Variants in TPO observed in about 807,000 individuals in gnomAD.
TPO encodes the protein thyroid peroxidase.
In TPO, 78 loss-of-function variants were observed where a neutral mutation model predicts 96.9. The observed-to-expected ratio is 0.81, with a 90% CI of 0.67 to 0.97. TPO has a LOEUF of 0.97. TPO is among the 50% of genes least tolerant of loss of function. TPO has a pLI of 0.00. For missense variants in TPO, 1,252 were observed against 1,274.8 expected (o/e 0.98, Z 0.27); for synonymous variants, 547 against 538.0 (o/e 1.02, Z -0.23).
At chr2:1,383,959 G>C (rs546994383) in intron 1 of TPO, among the ~76,000 whole-genome samples, 1 of 152,096 alleles carries the variant, frequency 6.6e-6, no homozygotes, top group East Asian at 1.9e-4. Context: ...TCCCAGCACC[G>C]TTTGTTAAAT....
rs938548462 is a variant in TPO at position 1,453,893 on chromosome 2, T to C, written c.612+70T>C. 56 of 1,606,524 alleles carry C rather than the reference T, an allele frequency of 3.5e-5. 1 individual carries two copies. In the East Asian group the frequency reaches 1.2e-3, roughly 34 times the overall value. ...GTGATGCTGAGGGAGGGAAATAGCC[T>C]TTTACTGGGTTCTTGCTCGTGCTGG... On this transcript the variant is annotated intron_variant, in intron 6 of 16. Coordinates refer to ENST00000329066, the MANE Select transcript of TPO (RefSeq NM_001206744.2).
intron 15 of TPO, among the ~76,000 whole-genome samples, chr2:1,523,653 G>C (rs1675717489): frequency 2.8e-5 from 2 of 71,742 alleles, no homozygotes; most frequent in Non-Finnish European, 5.2e-5. Flanking sequence ...ACCCCCCACT[G>C]TGTTCAACCT....
intron 7 of TPO, among the ~76,000 whole-genome samples, chr2:1,476,593 T>A (rs1056672590): frequency 6.6e-6 from 1 of 152,178 alleles, no homozygotes; most frequent in Non-Finnish European, 1.5e-5. Context: ...AGAAGTCAGC[T>A]CTTCCGAAAG....
intron 9 of TPO, among the ~76,000 whole-genome samples, chr2:1,485,239 G>GT (rs949472349): frequency 2.0e-5 from 3 of 152,040 alleles, no homozygotes; most frequent in Admixed American, 6.6e-5. Context: ...TGAACTCATC[G>GT]TTTTTTTATG....
At chr2:1,482,797 C>T (rs1461112671) in intron 8 of TPO, among the ~76,000 whole-genome samples, 1 of 152,160 alleles carries the variant, frequency 6.6e-6, no homozygotes, top group Non-Finnish European at 1.5e-5. Context: ...CCTCAGCCAC[C>T]CAAGTAGCTG....
rs546528463 is a variant in TPO, at chr2:1,438,631, G to T, written c.482+2247G>T. ...CCACGTCAGGGGGATGATGAATTCA[G>T]CCATGTGCAACATCGTGGGCATCCT... is the stretch of plus-strand genomic sequence containing the variant. On this transcript the variant is annotated intron_variant, in intron 5 of 16. Transcript: ENST00000329066. Among the ~76,000 whole-genome samples the T allele has an allele frequency of 2.3e-3, 309 of 132,538 alleles. 1 individual carries two copies. Among genetic ancestry groups the T allele is most frequent in the African/African-American group, 8.2e-3 (289 of 35,228 alleles). 87.0% of individuals were successfully genotyped at this position (132,538 alleles called of 152,430 possible).
chr2:1,399,874 A>G (rs942827063), intron 1 of TPO, among the ~76,000 whole-genome samples: 5 of 152,240 alleles, frequency 3.3e-5, no homozygotes, highest in Admixed American at 2.0e-4. Context: ...GAAAATCCTT[A>G]CATGGAAATC....
In TPO at chr2:1,542,778, TCTCCACCTTCTGG is replaced by T. The variant is rs1680902279; in HGVS notation, c.*306_*318del. On this transcript the variant is annotated 3_prime_UTR_variant, in exon 17 of 17. Coordinates refer to ENST00000329066, the MANE Select transcript of TPO (RefSeq NM_001206744.2). The stretch of plus-strand genomic sequence containing the variant: ...AAACACCACTCTTGCAATCCTCCTG[TCTCCACCTTCTGG>T]CATCTCTGATGCCGTGCTCGTCTGC... The T allele has an allele frequency of 1.5e-5, 10 of 667,710 alleles. No homozygotes were observed. Among genetic ancestry groups the T allele is most frequent in the East Asian group, 3.6e-5 (1 of 28,016 alleles). 41.4% of individuals were successfully genotyped at this position (667,710 alleles called of 1,614,324 possible). A position where few individuals can be genotyped will look rare whatever the true frequency, so the allele number is the denominator to read the frequency against.
chr2:1,511,937 G>A (rs1674175612), intron 14 of TPO, among the ~76,000 whole-genome samples: 1 of 152,234 alleles, frequency 6.6e-6, no homozygotes, highest in African/African-American at 2.4e-5. Flanking sequence ...TACAACAGGA[G>A]CATGAGTTGC....
At chr2:1,420,875 G>A (rs183726099) in intron 2 of TPO, among the ~76,000 whole-genome samples, 2 of 152,250 alleles carry the variant, frequency 1.3e-5, no homozygotes, top group South Asian at 2.1e-4. Context: ...CACACCACAT[G>A]GTGAGTGAAA....
At chr2:1,537,225 AAAT>A (rs1679945482) in intron 15 of TPO, among the ~76,000 whole-genome samples, 1 of 39,450 alleles carries the variant, frequency 2.5e-5, no homozygotes, top group African/African-American at 1.2e-4. Context: ...CCACCTCCCC[AAAT>A]CCCCCAACTG....
intron 7 of TPO, among the ~76,000 whole-genome samples, chr2:1,469,641 T>C (rs1260235752): frequency 1.3e-5 from 2 of 152,142 alleles, no homozygotes; most frequent in Non-Finnish European, 2.9e-5. Context: ...ACAGGGCTTT[T>C]CTGGCTGCTT....
At chr2:1,503,765 GCTC>G in intron 13 of TPO, 180 bp from the exon 14 acceptor site, 8 of 1,115,048 alleles carry the variant, frequency 7.2e-6, no homozygotes, top group Middle Eastern at 2.1e-4. Context: ...ACATCTGTCT[GCTC>G]CTCATCACCT....
chr2:1,415,749 G>A (rs1662891346), intron 2 of TPO, among the ~76,000 whole-genome samples: 1 of 152,218 alleles, frequency 6.6e-6, no homozygotes, highest in African/African-American at 2.4e-5. Context: ...CCTTTCCCAG[G>A]ACTGGAGGCC....
intron 5 of TPO, among the ~76,000 whole-genome samples, chr2:1,439,706 C>T (rs573795118): frequency 3.3e-5 from 5 of 152,250 alleles, no homozygotes; most frequent in African/African-American, 4.8e-5. Context: ...GAGACTCCCC[C>T]TCTCCCCCTC....
rs186620709 is a variant in TPO at position 1,540,663 on chromosome 2, C to T, written c.2688C>T (p.Cys896=). 6.2e-7 allele frequency: 1 copy of T among 1,613,488 alleles called. No individual in the cohort carries two copies. Among genetic ancestry groups the T allele is most frequent in the Admixed American group, 1.7e-5 (1 of 60,030 alleles). Residue 896 remains cysteine (C), a synonymous_variant, in exon 16 of 17, where the codon TGC becomes TGT. Transcript: ENST00000329066. ...GCGGAGGAACTCCCGAGCTGAGATG[C>T]GGAAAGCACCAGGCCGTAGGGACCT... ...ETGGGTPELR[C]GKHQAVGTSP...
intron 1 of TPO, among the ~76,000 whole-genome samples, chr2:1,385,911 G>A: frequency 6.6e-6 from 1 of 152,012 alleles, no homozygotes; most frequent in Non-Finnish European, 1.5e-5. Flanking sequence ...CTGGTATGTT[G>A]TGTCTTTGTT....
chr2:1,443,904 A>C (rs377549545), intron 5 of TPO, among the ~76,000 whole-genome samples: 1 of 117,518 alleles, frequency 8.5e-6, no homozygotes, highest in South Asian at 3.4e-4. Flanking sequence ...GGAATGGGGC[A>C]GGCGCCTTCT....
At chr2:1,436,185 A>C in intron 4 of TPO, 67 bp from the exon 5 acceptor site, 1 of 1,612,772 alleles carries the variant, frequency 6.2e-7, no homozygotes, top group South Asian at 1.1e-5. Flanking sequence ...TTGAGACTGC[A>C]ATAGAATATT....
Sources: allele counts gnomAD v4.1 joint callset (sites outside exome capture counted in the v4.1 genomes callset), GRCh38; gene constraint gnomAD v4.1.1; transcripts MANE v1.5; gene names NCBI Gene and HGNC (gene_info 2026-07-23, HGNC 2026-07-21).